The following HS6ST3 variants were observed in gnomAD, a reference collection of about 807,000 sequenced individuals.
HS6ST3 encodes heparan sulfate 6-O-sulfotransferase 3.
Under a neutral mutation model 36.7 loss-of-function variants are expected in HS6ST3, and 12 were observed. The ratio of observed to expected loss-of-function variants is 0.33; its 90% CI spans 0.21 to 0.53. The LOEUF (loss-of-function observed/expected upper bound fraction) is 0.53, where lower values mean the gene tolerates loss of function less well. Among genes scored for constraint, HS6ST3 ranks in the 20% least tolerant of loss-of-function variants. The probability of loss-of-function intolerance (pLI) is 0.95; values close to 1 mark genes in which losing one functional copy is unlikely to be tolerated. For synonymous variants in HS6ST3, 240 were observed against 257.5 expected, an observed-to-expected ratio of 0.93 and a Z score of 0.65; for missense variants, 584 against 640.9, an observed-to-expected ratio of 0.91 and a Z score of 0.96.
At position 96,286,538 on chromosome 13, in the gene HS6ST3, G is replaced by T. The variant is rs190398197; in HGVS notation, c.707+194969G>T. 5.3e-5 allele frequency among the ~76,000 whole-genome samples: 8 copies of T among 152,240 alleles called. 1 individual carries two copies. Among genetic ancestry groups the T allele is most frequent in the Admixed American group, 4.6e-4 (7 of 15,292 alleles). ...ATGAATAGAATCTGTAGGTCTATAGGCATGAAGACATACAGATAACAACAA... is the reference window on the plus strand; with the variant it reads ...ATGAATAGAATCTGTAGGTCTATAGTCATGAAGACATACAGATAACAACAA... On this transcript the variant is annotated intron_variant, in intron 1 of 1. Transcript: ENST00000376705.
chr13:96,741,831 C>A (rs570708704), intron 1 of HS6ST3, among the ~76,000 whole-genome samples: 1 of 152,296 alleles, frequency 6.6e-6, no homozygotes, highest in South Asian at 2.1e-4. Flanking sequence ...GAGCACTTCA[C>A]AAAACTCTGC....
intron 1 of HS6ST3, among the ~76,000 whole-genome samples, chr13:96,184,256 T>C (rs1425143806): frequency 9.4e-5 from 14 of 148,196 alleles, no homozygotes; most frequent in Admixed American, 7.4e-4. Flanking sequence ...GTTAAGATGG[T>C]AAGATTTATC....
chr13:96,693,994 T>C (rs624521), intron 1 of HS6ST3, among the ~76,000 whole-genome samples: 2,280 of 152,242 alleles, frequency 0.015, 57 homozygotes, highest in African/African-American at 0.051. Context: ...TATATCTTAG[T>C]TTCCCGTCTA....
intron 1 of HS6ST3, among the ~76,000 whole-genome samples, chr13:96,626,614 T>C (rs1167455917): frequency 6.6e-6 from 1 of 152,142 alleles, no homozygotes; most frequent in Non-Finnish European, 1.5e-5. Flanking sequence ...CTATTCCATG[T>C]AAAATTCTGA....
chr13:96,191,334 C>T (rs956869081), intron 1 of HS6ST3, among the ~76,000 whole-genome samples: 7 of 152,184 alleles, frequency 4.6e-5, no homozygotes, highest in Non-Finnish European at 1.0e-4. Context: ...CCCTTGTGCT[C>T]CAACCTCTCT....
intron 1 of HS6ST3, among the ~76,000 whole-genome samples, chr13:96,131,417 A>T (rs1008770028): frequency 5.9e-5 from 9 of 151,650 alleles, no homozygotes; most frequent in Admixed American, 1.3e-4. Flanking sequence ...TACTTTTTTT[A>T]AAAAAACTTA....
At chr13:96,727,385 G>T (rs189171635) in intron 1 of HS6ST3, among the ~76,000 whole-genome samples, 115 of 151,964 alleles carry the variant, frequency 7.6e-4, no homozygotes, top group African/African-American at 2.5e-3. Context: ...TTCTTATGAT[G>T]ATCACTATTA....
At chr13:96,144,021 A>G (rs985336696) in intron 1 of HS6ST3, among the ~76,000 whole-genome samples, 1 of 152,188 alleles carries the variant, frequency 6.6e-6, no homozygotes, top group African/African-American at 2.4e-5. Flanking sequence ...ACTTAATTCA[A>G]AATAAAGGCA....
At chr13:96,613,224 A>G (rs1420591874) in intron 1 of HS6ST3, among the ~76,000 whole-genome samples, 1 of 152,244 alleles carries the variant, frequency 6.6e-6, no homozygotes, top group African/African-American at 2.4e-5. Context: ...GATATTATCT[A>G]TGTCAGGCAG....
intron 1 of HS6ST3, among the ~76,000 whole-genome samples, chr13:96,579,559 T>C (rs1489389854): frequency 6.6e-6 from 1 of 151,138 alleles, no homozygotes; most frequent in Non-Finnish European, 1.5e-5. Flanking sequence ...ACTTCTGTTG[T>C]GTTAAAAAAA....
chr13:96,120,645 A>T (rs990599107), intron 1 of HS6ST3, among the ~76,000 whole-genome samples: 1 of 151,884 alleles, frequency 6.6e-6, no homozygotes, highest in Non-Finnish European at 1.5e-5. Context: ...AAATCTATGA[A>T]TTTTTTTTGA....
At chr13:96,795,126 C>T (rs1877877867) in intron 1 of HS6ST3, among the ~76,000 whole-genome samples, 1 of 151,986 alleles carries the variant, frequency 6.6e-6, no homozygotes, top group African/African-American at 2.4e-5. Context: ...GTCATTCCAG[C>T]ACAGCCGTTT....
intron 1 of HS6ST3, among the ~76,000 whole-genome samples, chr13:96,364,868 T>C (rs1252212292): frequency 1.3e-5 from 2 of 152,200 alleles, no homozygotes; most frequent in African/African-American, 4.8e-5. Context: ...CTTTCACATA[T>C]TACACAGGAT....
intron 1 of HS6ST3, among the ~76,000 whole-genome samples, chr13:96,519,753 T>C (rs1291490901): frequency 6.6e-6 from 1 of 152,216 alleles, no homozygotes; most frequent in Non-Finnish European, 1.5e-5. Flanking sequence ...TTTCTGTGAC[T>C]CAGTGTAAAG....
chr13:96,458,332 A>G (rs190866197), intron 1 of HS6ST3, among the ~76,000 whole-genome samples: 194 of 152,264 alleles, frequency 1.3e-3, no homozygotes, highest in Admixed American at 4.3e-3. Context: ...AGAGAGAAAG[A>G]CGAAGTGTAT....
chr13:96,514,003 G>A (rs934506424), intron 1 of HS6ST3, among the ~76,000 whole-genome samples: 1 of 152,070 alleles, frequency 6.6e-6, no homozygotes, highest in African/African-American at 2.4e-5. Flanking sequence ...TAGGAGATAC[G>A]CAGTGAGAGG....
At chr13:96,552,532 G>A (rs2056223350) in intron 1 of HS6ST3, among the ~76,000 whole-genome samples, 2 of 152,194 alleles carry the variant, frequency 1.3e-5, no homozygotes. Context: ...CCTCCTGGGG[G>A]CTATGGGCAC....
chr13:96,180,597 T>C (rs2054235279), intron 1 of HS6ST3, among the ~76,000 whole-genome samples: 1 of 152,230 alleles, frequency 6.6e-6, no homozygotes, highest in Non-Finnish European at 1.5e-5. Flanking sequence ...AATTGTTTAA[T>C]TAATTAATTT....
chr13:96,126,230 G>A (rs535054617), intron 1 of HS6ST3, among the ~76,000 whole-genome samples: 6 of 152,056 alleles, frequency 3.9e-5, no homozygotes, highest in Non-Finnish European at 7.3e-5. Context: ...TTCCAACCTA[G>A]TAGGGGCCAT....
Sources: gnomAD v4.1 joint callset for allele counts (sites outside exome capture counted in the v4.1 genomes callset) on GRCh38, gnomAD v4.1.1 for gene constraint, MANE v1.5 for transcripts, NCBI Gene and HGNC (gene_info 2026-07-23, HGNC 2026-07-21) for gene names.